Variants in CCDC112 observed in about 807,000 individuals in gnomAD.
CCDC112 encodes the protein coiled-coil domain-containing protein 112.
A neutral mutation model predicts 66.3 loss-of-function variants in CCDC112; 40 were observed. The ratio of observed to expected loss-of-function variants is 0.60; its 90% CI spans 0.47 to 0.79. CCDC112 has a LOEUF of 0.79. CCDC112 is among the 30% of genes least tolerant of loss of function. CCDC112 has a pLI of 0.00. For missense variants in CCDC112, 659 were observed against 603.8 expected, an observed-to-expected ratio of 1.09 and a Z score of -0.96; for synonymous variants, 214 against 197.2, an observed-to-expected ratio of 1.09 and a Z score of -0.71.
At chr5:115,282,014 A>C (rs1420895717) in intron 2 of CCDC112, among the ~76,000 whole-genome samples, 1 of 152,198 alleles carries the variant, frequency 6.6e-6, no homozygotes, top group Admixed American at 6.5e-5. Flanking sequence ...CTGAAGATAT[A>C]CTTACAAACA....
At chr5:115,288,144 C>G (rs1396916127) in intron 1 of CCDC112, among the ~76,000 whole-genome samples, 1 of 152,120 alleles carries the variant, frequency 6.6e-6, no homozygotes, top group Non-Finnish European at 1.5e-5. Flanking sequence ...CCACGCCCAG[C>G]TAATTTTTGT....
chr5:115,288,385 C>T (rs1033676164), intron 1 of CCDC112, among the ~76,000 whole-genome samples: 1 of 152,188 alleles, frequency 6.6e-6, no homozygotes, highest in Non-Finnish European at 1.5e-5. Context: ...TGTTGATAAG[C>T]TGTTAAATAC....
At chr5:115,282,190 AG>A (rs1749485790) in intron 2 of CCDC112, among the ~76,000 whole-genome samples, 1 of 152,196 alleles carries the variant, frequency 6.6e-6, no homozygotes, top group South Asian at 2.1e-4. Context: ...ACGTACTGAC[AG>A]GAAAAGATCT....
intron 6 of CCDC112, among the ~76,000 whole-genome samples, chr5:115,272,117 T>A (rs1375620808): frequency 6.6e-6 from 1 of 151,986 alleles, no homozygotes; most frequent in Non-Finnish European, 1.5e-5. Flanking sequence ...AGTATAGGGT[T>A]TCATCATGTT....
chr5:115,285,923 G>A (rs1749656104), intron 1 of CCDC112, among the ~76,000 whole-genome samples: 1 of 152,154 alleles, frequency 6.6e-6, no homozygotes, highest in Non-Finnish European at 1.5e-5. Context: ...CACCCAGAGG[G>A]ATTGCTGAGC....
rs1256987447 is a variant in CCDC112, at chr5:115,271,224, A to G, written c.1321T>C (p.Phe441Leu). ...RKNAADEISR[F>L]QERDLHKLEL... The stretch of plus-strand genomic sequence containing the variant: ...ATAGATTTACTCACTCTTTCTTGAA[A>G]TCTGGAAATTTCATCAGCAGCATTT... Residue 441 changes from phenylalanine to leucine, a missense_variant, in exon 7 of 10, where the codon TTT (phenylalanine) becomes CTT (leucine). Physicochemically the swap from Phe to Leu is conservative, Grantham distance 22. Transcript: ENST00000379611. The G allele has an allele frequency of 1.3e-6, 2 of 1,579,934 alleles. No individual in the cohort carries two copies. Among genetic ancestry groups the G allele is most frequent in the South Asian group, 1.2e-5 (1 of 84,346 alleles).
chr5:115,292,716 ATC>A (rs1348631431), intron 1 of CCDC112, among the ~76,000 whole-genome samples: 1 of 152,136 alleles, frequency 6.6e-6, no homozygotes, highest in Non-Finnish European at 1.5e-5. Context: ...TGGCAGTGAA[ATC>A]TCTGATTGGT....
chr5:115,268,808 T>A (rs1748876165), intron 9 of CCDC112, 74 bp downstream of exon 9: 1 of 631,428 alleles, frequency 1.6e-6, no homozygotes, highest in Non-Finnish European at 2.6e-6. Flanking sequence ...ATAATTTACA[T>A]ATAGTAAGTG....
At chr5:115,291,404 C>A (rs1408760941) in intron 1 of CCDC112, among the ~76,000 whole-genome samples, 1 of 152,050 alleles carries the variant, frequency 6.6e-6, no homozygotes, top group Admixed American at 6.6e-5. Flanking sequence ...AGTATTTTTA[C>A]ATCTGTATTT....
Position 115,275,360 on chromosome 5 carries a change from A to G in CCDC112, c.774T>C (p.Phe258=), listed in dbSNP as rs774578713. The change falls in exon 6 of 10, where the codon TTT becomes TTC. Residue 258 remains phenylalanine, a synonymous_variant. Transcript: ENST00000379611. ...CTTTATGTTTGTTTCTCACCTTTACAAAGTTCTGGTGATCATAATCATCCC... is the reference window on the plus strand; with the variant it reads ...CTTTATGTTTGTTTCTCACCTTTACGAAGTTCTGGTGATCATAATCATCCC... ...GAWDDYDHQN[F]VKVRNKHKGK... is the part of the protein sequence containing the mutation. The G allele has an allele frequency of 6.2e-7, 1 of 1,614,046 alleles. No homozygotes were observed. The highest frequency in any genetic ancestry group is 8.5e-7 in the Non-Finnish European group (1 of 1,179,990).
In CCDC112 at chr5:115,271,417, C is replaced by T; in HGVS notation, c.1128G>A (p.Gln376=). Reference sequence around the variant, plus strand: ...TCTCTTTCTCTTCTTCTTCTTTTAACTGGGAAGCACATTTCATTGACATTT... The same window carrying T: ...TCTCTTTCTCTTCTTCTTCTTTTAATTGGGAAGCACATTTCATTGACATTT... ...SIEMSMKCAS[Q]LKEEEEKEKK... Residue 376 remains glutamine (Q), a synonymous_variant, in exon 7 of 10, where the codon CAG becomes CAA. Transcript: ENST00000379611. The T allele has an allele frequency of 1.2e-6, 2 of 1,608,132 alleles. No individual in the cohort carries two copies. Among genetic ancestry groups the T allele is most frequent in the Non-Finnish European group, 1.7e-6 (2 of 1,178,812 alleles).
At chr5:115,290,358 C>A (rs564573126) in intron 1 of CCDC112, among the ~76,000 whole-genome samples, 44 of 152,250 alleles carry the variant, frequency 2.9e-4, no homozygotes, top group African/African-American at 1.1e-3. Flanking sequence ...ATGCCAGTAC[C>A]ATAGTTTGAT....
chr5:115,287,087 T>C (rs1749705889), intron 1 of CCDC112, among the ~76,000 whole-genome samples: 1 of 152,208 alleles, frequency 6.6e-6, no homozygotes, highest in Non-Finnish European at 1.5e-5. Flanking sequence ...AATTTTAAAC[T>C]TTTTAAAGAA....
chr5:115,295,339 T>C (rs988529117), intron 1 of CCDC112, among the ~76,000 whole-genome samples: 1 of 152,186 alleles, frequency 6.6e-6, no homozygotes, highest in Non-Finnish European at 1.5e-5. Flanking sequence ...GTGTCACACA[T>C]TTTTTTGAGC....
intron 2 of CCDC112, chr5:115,280,315 A>G (rs916098053): frequency 6.6e-6 from 1 of 152,224 alleles, no homozygotes; most frequent in African/African-American, 2.4e-5. Context: ...GCCAGTTATT[A>G]ATATTATTAA....
In CCDC112 at chr5:115,271,215, T is replaced by C; in HGVS notation, c.1330A>G (p.Arg444Gly). 1.3e-6 allele frequency: 2 copies of C among 1,576,800 alleles called. No homozygotes were observed. Among genetic ancestry groups the C allele is most frequent in the Non-Finnish European group, 1.7e-6 (2 of 1,169,760 alleles). The change falls in exon 7 of 10, where the codon AGA becomes GGA. Residue 444 changes from arginine (R) to glycine (G), a missense_variant and splice_region_variant. Arg to Gly is a moderately radical substitution (Grantham distance 125). Coordinates refer to ENST00000379611, the MANE Select transcript of CCDC112 (RefSeq NM_001040440.3). Reference sequence around the variant, plus strand: ...ATTTAGGAAATAGATTTACTCACTCTTTCTTGAAATCTGGAAATTTCATCA... The same window carrying C: ...ATTTAGGAAATAGATTTACTCACTCCTTCTTGAAATCTGGAAATTTCATCA... Reference protein sequence around the residue: ...AADEISRFQERDLHKLELKIL... With the variant: ...AADEISRFQEGDLHKLELKIL...
At chr5:115,269,069 G>C in intron 8 of CCDC112, 69 bp from the exon 9 acceptor site, 1 of 826,370 alleles carries the variant, frequency 1.2e-6, no homozygotes, top group South Asian at 2.0e-5. Context: ...ATAAGTAAAA[G>C]CCTTAGTGCA....
At chr5:115,280,861 G>A (rs940493766) in intron 2 of CCDC112, among the ~76,000 whole-genome samples, 1 of 151,856 alleles carries the variant, frequency 6.6e-6, no homozygotes, top group South Asian at 2.1e-4. Context: ...TTCTTAATGT[G>A]TTTCTTTCTC....
chr5:115,281,550 G>C (rs1561497012), intron 2 of CCDC112, among the ~76,000 whole-genome samples: 2 of 152,180 alleles, frequency 1.3e-5, no homozygotes, highest in East Asian at 3.9e-4. Flanking sequence ...TGAGGACTGG[G>C]AAGTTCATCT....
Sources: allele counts gnomAD v4.1 joint callset (sites outside exome capture counted in the v4.1 genomes callset), GRCh38; gene constraint gnomAD v4.1.1; transcripts MANE v1.5; gene names NCBI Gene and HGNC (gene_info 2026-07-23, HGNC 2026-07-21).